The following QRSL1 variants were observed in gnomAD, a reference collection of about 807,000 sequenced individuals.
The protein encoded by QRSL1 is glutaminyl-tRNA amidotransferase subunit QRSL1.
QRSL1 carries 54 observed loss-of-function variants against 61.6 expected under a neutral mutation model. The observed-to-expected ratio is 0.88, with a 90% CI of 0.70 to 1.10. QRSL1 has a LOEUF of 1.10. QRSL1 is among the 50% of genes least tolerant of loss of function. The pLI, the probability that QRSL1 is intolerant of heterozygous loss-of-function variation, is 0.00. For synonymous variants in QRSL1, 228 were observed against 225.7 expected (o/e 1.01, Z -0.09); for missense variants, 505 against 622.6 (o/e 0.81, Z 2.01).
At chr6:106,663,802 G>GT (rs914109627) in intron 10 of QRSL1, among the ~76,000 whole-genome samples, 5 of 151,970 alleles carry the variant, frequency 3.3e-5, no homozygotes, top group South Asian at 4.2e-4. Flanking sequence ...ACACTTAGTA[G>GT]TTTTTTTTAA....
chr6:106,652,235 C>G lies in QRSL1; in HGVS notation c.584C>G (p.Ser195Trp). The stretch of plus-strand genomic sequence containing the variant: ...GCTTTAGGATCAGATACAGGAGGAT[C>G]GACCAGAAATCCTGCTGCCCACTGT... The part of the protein sequence containing the change: ...YAALGSDTGG[S>W]TRNPAAHCGL... The change falls in exon 6 of 11, where the codon TCG becomes TGG. Residue 195 changes from serine to tryptophan, a missense_variant. Coordinates refer to ENST00000369046, the MANE Select transcript of QRSL1 (RefSeq NM_018292.5). The G allele has an allele frequency of 1.2e-6, 2 of 1,613,932 alleles. No individual in the cohort carries two copies. Among genetic ancestry groups the G allele is most frequent in the South Asian group, 2.2e-5 (2 of 91,062 alleles).
intron 1 of QRSL1, among the ~76,000 whole-genome samples, chr6:106,632,364 A>G (rs1002814749): frequency 1.3e-5 from 2 of 151,662 alleles, no homozygotes; most frequent in Non-Finnish European, 2.9e-5. Context: ...TGGTAGTTCT[A>G]TTTTTATTTA....
intron 9 of QRSL1, among the ~76,000 whole-genome samples, chr6:106,660,990 A>G (rs556226936): frequency 6.6e-6 from 1 of 152,330 alleles, no homozygotes; most frequent in South Asian, 2.1e-4. Flanking sequence ...GGGGACAAGC[A>G]TTCAAACCAT....
intron 4 of QRSL1, among the ~76,000 whole-genome samples, chr6:106,645,630 C>T (rs550431185): frequency 6.6e-6 from 1 of 152,294 alleles, no homozygotes; most frequent in African/African-American, 2.4e-5. Context: ...ACCATATTGG[C>T]CAGGCTGGTC....
intron 9 of QRSL1, among the ~76,000 whole-genome samples, chr6:106,660,855 A>T (rs1490809884): frequency 6.6e-6 from 1 of 152,062 alleles, no homozygotes; most frequent in African/African-American, 2.4e-5. Context: ...GGGGGGCTGA[A>T]CTTTCCCTCT....
chr6:106,655,012 GATA>G (rs1777245087), intron 8 of QRSL1, 90 bp downstream of exon 8: 3 of 1,204,542 alleles, frequency 2.5e-6, no homozygotes, highest in African/African-American at 1.5e-5. Flanking sequence ...TAATGCTTGA[GATA>G]ATGTTAGTGA....
intron 3 of QRSL1, chr6:106,642,538 CATGTACATGTGAACCT>C: frequency 1.4e-6 from 1 of 709,360 alleles, no homozygotes; most frequent in East Asian, 2.5e-5. Flanking sequence ...AGTTGTTTGC[CATGTACATGTGAACCT>C]ATAAGAAAGG....
intron 1 of QRSL1, among the ~76,000 whole-genome samples, chr6:106,633,263 T>C (rs1279448092): frequency 2.0e-5 from 3 of 152,232 alleles, no homozygotes; most frequent in African/African-American, 4.8e-5. Context: ...TTTTTCCACA[T>C]CACTGTACTG....
rs1239045105 is a variant in QRSL1, at chr6:106,639,126, T to TG, written c.25-1223_25-1222insG. On this transcript the variant is annotated intron_variant, in intron 1 of 10. Coordinates refer to ENST00000369046, the MANE Select transcript of QRSL1 (RefSeq NM_018292.5). ...TTATTTGTGTGTTTTGTTGTTTTTT[T>TG]TTTTTTTTTTTTTTTTTTTTGACAG... 2.6e-3 allele frequency among the ~76,000 whole-genome samples: 81 copies of TG among 31,128 alleles called. 1 individual carries two copies. Among genetic ancestry groups the TG allele is most frequent in the African/African-American group, 6.2e-3 (53 of 8,490 alleles). 20.4% of individuals were successfully genotyped at this position (31,128 alleles called of 152,430 possible). A position where few individuals can be genotyped will look rare whatever the true frequency, so the allele number is the denominator to read the frequency against.
intron 1 of QRSL1, 57 bp downstream of exon 1, chr6:106,629,762 G>T: frequency 2.5e-6 from 4 of 1,571,758 alleles, no homozygotes; most frequent in Non-Finnish European, 3.5e-6. Context: ...AACGGACTTC[G>T]TTGACAAAGA....
rs113837335 is a variant in QRSL1, at chr6:106,655,178, G to A, written c.1042+256G>A. On this transcript the variant is annotated intron_variant, in intron 8 of 10. Coordinates refer to ENST00000369046, the MANE Select transcript of QRSL1 (RefSeq NM_018292.5). ...ATCTTGTTGTCATATGCTCAGTCCCGCTAATGTAGAGCTCAATAAATGTTT... is the reference window on the plus strand; with the variant it reads ...ATCTTGTTGTCATATGCTCAGTCCCACTAATGTAGAGCTCAATAAATGTTT... 2.0e-3 allele frequency among the ~76,000 whole-genome samples: 307 copies of A among 152,176 alleles called. 1 individual carries two copies. Among genetic ancestry groups the A allele is most frequent in the African/African-American group, 6.8e-3 (282 of 41,510 alleles).
chr6:106,652,612 A>G, intron 7 of QRSL1, 30 bp downstream of exon 7: 1 of 1,613,806 alleles, frequency 6.2e-7, no homozygotes, highest in Non-Finnish European at 8.5e-7. Context: ...ACTTTACAGA[A>G]ATACTGTCAA....
In QRSL1 at chr6:106,665,980, C is replaced by G; in HGVS notation, c.1565C>G (p.Ala522Gly). 1 of 1,613,756 alleles carries G rather than the reference C, an allele frequency of 6.2e-7. No homozygotes were observed. The highest frequency in any genetic ancestry group is 8.5e-7 in the Non-Finnish European group (1 of 1,179,704). Residue 522 changes from alanine (A) to glycine (G), a missense_variant, in exon 11 of 11, where the codon GCC becomes GGC. Physicochemically the swap from Ala to Gly is moderately conservative, Grantham distance 60. Transcript: ENST00000369046. The stretch of plus-strand genomic sequence containing the variant: ...GCAGTCCTTGAAAATGAAAAGTTAG[C>G]CTCTGTCTCTCTAAAACAGTAAACA... Reference protein sequence around the residue: ...CSAVLENEKLASVSLKQ With the variant: ...CSAVLENEKLGSVSLKQ
chr6:106,659,053 A>T (rs1211872041), intron 9 of QRSL1, among the ~76,000 whole-genome samples: 1 of 150,628 alleles, frequency 6.6e-6, no homozygotes, highest in Non-Finnish European at 1.5e-5. Flanking sequence ...TGTTATGTTG[A>T]TTCTTTCCAG....
At chr6:106,661,269 A>G (rs1226013239) in intron 9 of QRSL1, among the ~76,000 whole-genome samples, 1 of 151,854 alleles carries the variant, frequency 6.6e-6, no homozygotes, top group East Asian at 1.9e-4. Context: ...GCCCACCACC[A>G]TGCCCGGCTA....
chr6:106,637,067 T>G (rs1173380045), intron 1 of QRSL1, among the ~76,000 whole-genome samples: 1 of 152,234 alleles, frequency 6.6e-6, no homozygotes, highest in African/African-American at 2.4e-5. Flanking sequence ...CTGCAAGGTG[T>G]TGCTAGGGCT....
rs748164760 is a variant in QRSL1 at position 106,652,267 on chromosome 6, G to T, written c.616G>T (p.Val206Phe). Residue 206 changes from valine to phenylalanine, a missense_variant, in exon 6 of 11, where the codon GTT (valine) becomes TTT (phenylalanine). By Grantham distance (50) the Val-to-Phe change is conservative. Coordinates refer to ENST00000369046, the MANE Select transcript of QRSL1 (RefSeq NM_018292.5). ...TRNPAAHCGL[V>F]GFKPSYGLVS... ...AAATCCTGCTGCCCACTGTGGGCTT[G>T]TTGGTTTCAAACCAAGCTATGGCTT... The T allele has an allele frequency of 3.1e-6, 5 of 1,614,178 alleles. No individual in the cohort carries two copies. Among genetic ancestry groups the T allele is most frequent in the East Asian group, 4.5e-5 (2 of 44,888 alleles).
intron 4 of QRSL1, among the ~76,000 whole-genome samples, chr6:106,647,957 A>G (rs1777137406): frequency 6.7e-6 from 1 of 150,190 alleles, no homozygotes; most frequent in Non-Finnish European, 1.5e-5. Flanking sequence ...GCCAAAGTAC[A>G]TTATTGAATC....
chr6:106,639,639 G>T (rs1562165379), intron 1 of QRSL1, among the ~76,000 whole-genome samples: 1 of 152,052 alleles, frequency 6.6e-6, no homozygotes, highest in East Asian at 1.9e-4. Context: ...GTAAGTACAT[G>T]TTATTATTAC....
Sources: gnomAD v4.1 joint callset for allele counts (sites outside exome capture counted in the v4.1 genomes callset) on GRCh38, gnomAD v4.1.1 for gene constraint, MANE v1.5 for transcripts, NCBI Gene and HGNC (gene_info 2026-07-23, HGNC 2026-07-21) for gene names.